The following FAM171A1 variants were observed in gnomAD, a reference collection of about 807,000 sequenced individuals.
The protein encoded by FAM171A1 is family with sequence similarity 171 member A1.
Under a neutral mutation model 74.9 loss-of-function variants are expected in FAM171A1, and 23 were observed. That is an observed-to-expected ratio of 0.31 (90% CI 0.22 to 0.44). FAM171A1 has a LOEUF of 0.44. FAM171A1 is among the 20% of genes least tolerant of loss of function. The pLI, the probability that FAM171A1 is intolerant of heterozygous loss-of-function variation, is 1.00. For missense variants in FAM171A1, 1,162 were observed against 1,159.2 expected (o/e 1.00, Z -0.03); for synonymous variants, 527 against 505.7 (o/e 1.04, Z -0.57).
intron 1 of FAM171A1, among the ~76,000 whole-genome samples, chr10:15,303,186 T>C (rs1026518596): frequency 2.6e-5 from 4 of 151,666 alleles, no homozygotes; most frequent in Non-Finnish European, 5.9e-5. Context: ...CAAAGCTCCA[T>C]CTCAAAAAAA....
intron 5 of FAM171A1, among the ~76,000 whole-genome samples, chr10:15,234,238 A>C (rs1324493031): frequency 1.3e-5 from 2 of 152,256 alleles, no homozygotes. Context: ...TAGCTCATAC[A>C]AAAGTATAAA....
At chr10:15,312,414 A>G (rs745497830) in intron 1 of FAM171A1, among the ~76,000 whole-genome samples, 14 of 152,008 alleles carry the variant, frequency 9.2e-5, no homozygotes, top group Non-Finnish European at 1.9e-4. Flanking sequence ...CCCTTTAAAG[A>G]TAAAATGCTA....
At chr10:15,337,743 A>G (rs952114785) in intron 1 of FAM171A1, among the ~76,000 whole-genome samples, 2 of 152,164 alleles carry the variant, frequency 1.3e-5, no homozygotes, top group African/African-American at 2.4e-5. Flanking sequence ...GAGATCGGGA[A>G]TTTGAGAACA....
intron 3 of FAM171A1, among the ~76,000 whole-genome samples, chr10:15,256,425 A>G (rs113130727): frequency 4.8e-4 from 73 of 152,270 alleles, no homozygotes; most frequent in African/African-American, 1.7e-3. Flanking sequence ...CTTCCTTTTA[A>G]AAACTAGCAG....
intron 1 of FAM171A1, among the ~76,000 whole-genome samples, chr10:15,334,342 G>T (rs1410062876): frequency 2.0e-5 from 3 of 152,324 alleles, no homozygotes; most frequent in African/African-American, 7.2e-5. Context: ...AAATACTCCA[G>T]CATCACTGCT....
upstream of FAM171A1, among the ~76,000 whole-genome samples, chr10:15,373,332 G>T (rs928300950): frequency 6.6e-6 from 1 of 152,172 alleles, no homozygotes; most frequent in Non-Finnish European, 1.5e-5. Flanking sequence ...GGCACTCACT[G>T]AACTGGAGCT....
At chr10:15,244,949 A>G (rs1178753231) in intron 5 of FAM171A1, among the ~76,000 whole-genome samples, 3 of 152,182 alleles carry the variant, frequency 2.0e-5, no homozygotes, top group Non-Finnish European at 4.4e-5. Flanking sequence ...GTCTGACAAC[A>G]TGGCTAGGCC....
chr10:15,310,982 G>A (rs1245074774), intron 1 of FAM171A1, among the ~76,000 whole-genome samples: 3 of 152,158 alleles, frequency 2.0e-5, no homozygotes. Context: ...AGCCCTCCAG[G>A]AGGGGCTGAG....
chr10:15,254,898 G>A lies in FAM171A1; in HGVS notation c.419-19C>T, dbSNP rs1243195671. On this transcript the variant is annotated intron_variant, in intron 3 of 7. Coordinates refer to ENST00000378116, the MANE Select transcript of FAM171A1 (RefSeq NM_001010924.2). ...CGGGCACCTGCAGAGATTAACCTCC[G>A]AGTTATCTCCCCCAGGAGCAGTTTC... The A allele has an allele frequency of 4.4e-6, 7 of 1,606,530 alleles. No homozygotes were observed. Among genetic ancestry groups the A allele is most frequent in the South Asian group, 2.2e-5 (2 of 90,802 alleles).
At chr10:15,285,753 A>G (rs1835028149) in intron 1 of FAM171A1, among the ~76,000 whole-genome samples, 1 of 152,180 alleles carries the variant, frequency 6.6e-6, no homozygotes, top group African/African-American at 2.4e-5. Flanking sequence ...GGACTAGCAA[A>G]AAGCGAGGAG....
At chr10:15,308,315 C>A (rs903299883) in intron 1 of FAM171A1, among the ~76,000 whole-genome samples, 1 of 152,124 alleles carries the variant, frequency 6.6e-6, no homozygotes, top group Admixed American at 6.5e-5. Context: ...AAAATTGCTA[C>A]CTCATTGTGA....
At chr10:15,266,675 G>A (rs1168284965) in intron 3 of FAM171A1, among the ~76,000 whole-genome samples, 3 of 151,930 alleles carry the variant, frequency 2.0e-5, no homozygotes, top group Non-Finnish European at 4.4e-5. Flanking sequence ...AGACCAGCTT[G>A]GGCAACATAG....
chr10:15,280,103 C>A (rs10752359), intron 2 of FAM171A1, among the ~76,000 whole-genome samples: 47,032 of 151,660 alleles, frequency 0.31, 8,827 homozygotes, highest in East Asian at 0.58. Context: ...AAGAAAAAAA[C>A]CCAAAAAATT....
At chr10:15,278,568 C>T (rs1250839253) in intron 2 of FAM171A1, among the ~76,000 whole-genome samples, 1 of 152,170 alleles carries the variant, frequency 6.6e-6, no homozygotes, top group African/African-American at 2.4e-5. Context: ...ATTATTCACT[C>T]ATGAAAGGGA....
intron 1 of FAM171A1, among the ~76,000 whole-genome samples, chr10:15,359,168 T>C (rs1021199164): frequency 6.6e-6 from 1 of 152,126 alleles, no homozygotes; most frequent in Admixed American, 6.5e-5. Context: ...AAGCTGAGAG[T>C]GCCTGTCTCT....
At position 15,213,835 on chromosome 10, in the gene FAM171A1, C is replaced by A; in HGVS notation, c.1753G>T (p.Ala585Ser). ...RKVLPALVIP[A>S]HYMKLPGDHS... Reference sequence around the variant, plus strand: ...TCCCCGGGGAGTTTCATATAATGAGCCGGGATGACCAAGGCAGGCAGTACT... The same window carrying A: ...TCCCCGGGGAGTTTCATATAATGAGACGGGATGACCAAGGCAGGCAGTACT... The change falls in exon 8 of 8, where the codon GCT becomes TCT. Residue 585 changes from alanine to serine, a missense_variant. Ala to Ser is a moderately conservative substitution (Grantham distance 99). Transcript: ENST00000378116. This position sits in a 1 kb window ranked among gnomAD's most constrained non-coding sequence, Gnocchi z 6.8. The A allele has an allele frequency of 6.2e-7, 1 of 1,614,074 alleles. No homozygotes were observed. Among genetic ancestry groups the A allele is most frequent in the Non-Finnish European group, 8.5e-7 (1 of 1,180,008 alleles).
intron 1 of FAM171A1, among the ~76,000 whole-genome samples, chr10:15,339,902 A>C (rs1286389892): frequency 6.6e-6 from 1 of 152,194 alleles, no homozygotes; most frequent in Non-Finnish European, 1.5e-5. Flanking sequence ...GGTGGCAGAC[A>C]AGAGAGAATG....
At chr10:15,262,573 G>A (rs1484808936) in intron 3 of FAM171A1, among the ~76,000 whole-genome samples, 1 of 152,176 alleles carries the variant, frequency 6.6e-6, no homozygotes, top group East Asian at 1.9e-4. Flanking sequence ...CTCAGCAAGA[G>A]GGATTTCTAA....
At chr10:15,243,823 C>T (rs1225663345) in intron 5 of FAM171A1, among the ~76,000 whole-genome samples, 26 of 115,334 alleles carry the variant, frequency 2.3e-4, no homozygotes, top group South Asian at 1.5e-3. Flanking sequence ...AGCAGCTCAC[C>T]GCAAGCTCTG....
Sources: gnomAD v4.1 joint callset for allele counts (sites outside exome capture counted in the v4.1 genomes callset) on GRCh38, gnomAD v4.1.1 for gene constraint, Gnocchi (gnomAD v3.1) non-coding constraint, MANE v1.5 for transcripts, NCBI Gene and HGNC (gene_info 2026-07-23, HGNC 2026-07-21) for gene names.